ZNF157: variants seen among roughly 807,000 people sequenced by gnomAD.
ZNF157 encodes zinc finger protein 22.
Under a neutral mutation model 9.4 loss-of-function variants are expected in ZNF157, and 8 were observed. The observed-to-expected ratio is 0.85, with a 90% CI of 0.50 to 1.53. The LOEUF is 1.53. Ranked by LOEUF, ZNF157 falls within the 40% of genes most tolerant of loss-of-function variation. ZNF157 has a pLI of 0.00. For missense variants in ZNF157, 316 were observed against 385.2 expected, an observed-to-expected ratio of 0.82 and a Z score of 1.50; for synonymous variants, 120 against 130.8, an observed-to-expected ratio of 0.92 and a Z score of 0.56.
chrX:47,406,960 T>G (rs1447340415), intron 1 of ZNF157, among the ~76,000 whole-genome samples: 1 of 112,277 alleles, frequency 8.9e-6, no homozygotes, highest in Non-Finnish European at 1.9e-5. Flanking sequence ...TCTTTTTCAT[T>G]ACATATGATG....
intron 1 of ZNF157, among the ~76,000 whole-genome samples, chrX:47,381,057 AGAGCAGGAGGAGGAG>A (rs1361604068): frequency 4.6e-4 from 15 of 32,931 alleles, no homozygotes; most frequent in Non-Finnish European, 8.0e-4. Context: ...AGAAGGAGGA[AGAGCAGGAGGAGGAG>A]GAGCAGGAGG....
At chrX:47,404,092 C>T (rs1023911224) in intron 1 of ZNF157, among the ~76,000 whole-genome samples, 1 of 110,585 alleles carries the variant, frequency 9.0e-6, no homozygotes, top group African/African-American at 3.3e-5. Context: ...ATTGCTTGAA[C>T]CTGGGAGGTG....
chrX:47,413,054 G>A lies in ZNF157; in HGVS notation c.981G>A (p.Glu327=). The A allele has an allele frequency of 8.3e-7, 1 of 1,210,807 alleles. No homozygotes were observed. The highest frequency in any genetic ancestry group is 1.1e-6 in the Non-Finnish European group (1 of 894,933). The change falls in exon 4 of 4, where the codon GAG becomes GAA. Residue 327 remains glutamate (E), a synonymous_variant. Coordinates refer to ENST00000377073, the MANE Select transcript of ZNF157 (RefSeq NM_003446.4). ...LNQHQRIHTG[E]KPYECGECGK... ...AGCATCAAAGAATTCACACAGGTGA[G>A]AAACCCTATGAGTGTGGTGAATGTG...
In ZNF157 at chrX:47,413,544, A is replaced by G; in HGVS notation, c.1471A>G (p.Thr491Ala). 8.3e-7 allele frequency: 1 copy of G among 1,209,932 alleles called. No homozygotes were observed. The highest frequency in any genetic ancestry group is 1.8e-5 in the South Asian group (1 of 56,746). The change falls in exon 4 of 4, where the codon ACT becomes GCT. Residue 491 changes from threonine to alanine, a missense_variant. By Grantham distance (58) the Thr-to-Ala change is moderately conservative. Around this residue, in one of 3 missense-constraint regions of ZNF157, gnomAD observed 167 missense variants for 183.6 expected, o/e 0.91. Coordinates refer to ENST00000377073, the MANE Select transcript of ZNF157 (RefSeq NM_003446.4). Reference sequence around the variant, plus strand: ...AGCACACCTCACAGAACATCAGAGAACTCACATAGGCTGGTCCTGGCGTTG... The same window carrying G: ...AGCACACCTCACAGAACATCAGAGAGCTCACATAGGCTGGTCCTGGCGTTG... The part of the protein sequence containing the change: ...RKAHLTEHQR[T>A]HIGWSWRCTM...
chrX:47,386,621 G>A (rs1299993254), intron 1 of ZNF157, among the ~76,000 whole-genome samples: 1 of 108,689 alleles, frequency 9.2e-6, no homozygotes, highest in Non-Finnish European at 1.9e-5. Flanking sequence ...CATCACACCC[G>A]GCTAATTTTT....
intron 1 of ZNF157, among the ~76,000 whole-genome samples, chrX:47,399,322 G>T (rs1237734428): frequency 1.8e-5 from 2 of 111,234 alleles, no homozygotes. Flanking sequence ...TGGGGTGAAG[G>T]CACAATCTAT....
At chrX:47,400,176 T>A (rs1414391876) in intron 1 of ZNF157, among the ~76,000 whole-genome samples, 1 of 110,109 alleles carries the variant, frequency 9.1e-6, no homozygotes, top group Non-Finnish European at 1.9e-5. Context: ...TTTATATTTT[T>A]AGTAGAGACG....
rs2055968663 is a variant in ZNF157, at chrX:47,412,586, C to T, written c.513C>T (p.Tyr171=). 1.7e-6 allele frequency: 2 copies of T among 1,210,637 alleles called. No homozygotes were observed. The highest frequency in any genetic ancestry group is 4.4e-5 in the Admixed American group (2 of 45,773). ...AATGTCATGAATGTGGGAAAGCTTA[C>T]TGTAGGAAGTCAAACCTTGTTGAAC... ...NFECHECGKA[Y]CRKSNLVEHL... Residue 171 remains tyrosine, a synonymous_variant, in exon 4 of 4, where the codon TAC becomes TAT. Coordinates refer to ENST00000377073, the MANE Select transcript of ZNF157 (RefSeq NM_003446.4).
chrX:47,413,132 A>G lies in ZNF157; in HGVS notation c.1059A>G (p.Thr353=), dbSNP rs7053739. The change falls in exon 4 of 4, where the codon ACA becomes ACG. Residue 353 remains threonine, a synonymous_variant. Coordinates refer to ENST00000377073, the MANE Select transcript of ZNF157 (RefSeq NM_003446.4). ...TCAATAATCATCAAAGAACTCACAC[A>G]GGTGAAAAGCCCTATCAGTGTAATG... The part of the protein sequence containing the change: ...MTLNNHQRTH[T]GEKPYQCNEC... 16,174 of 1,209,993 alleles carry G rather than the reference A, an allele frequency of 0.013. 1,346 individuals are homozygous for G. In the African/African-American group the frequency reaches 0.25, roughly 18 times the overall value.
intron 1 of ZNF157, among the ~76,000 whole-genome samples, chrX:47,380,773 T>C (rs1026266616): frequency 1.1e-4 from 5 of 45,820 alleles, no homozygotes; most frequent in Non-Finnish European, 1.9e-4. Context: ...ATTATTTTTC[T>C]TTTTTTTTTA....
At chrX:47,373,407 C>T (rs756457641) in intron 1 of ZNF157, among the ~76,000 whole-genome samples, 12 of 110,820 alleles carry the variant, frequency 1.1e-4, no homozygotes, top group Non-Finnish European at 2.3e-4. Flanking sequence ...GAACTGACTT[C>T]GAGGAAATGA....
At chrX:47,388,668 G>A (rs2055887450) in intron 1 of ZNF157, 1 of 153,510 alleles carries the variant, frequency 6.5e-6, no homozygotes, top group Admixed American at 5.8e-5. Context: ...TCAGAGCAGG[G>A]GGCCTGAAGA....
intron 1 of ZNF157, among the ~76,000 whole-genome samples, 159 bp from the exon 2 acceptor site, chrX:47,410,117 A>G (rs6608717): frequency 0.33 from 36,365 of 110,317 alleles, 4,471 homozygotes; most frequent in South Asian, 0.41. Context: ...GAGCTGTTCC[A>G]GGTACCCCCC....
chrX:47,401,115 T>G, intron 1 of ZNF157, among the ~76,000 whole-genome samples: 1 of 112,330 alleles, frequency 8.9e-6, no homozygotes, highest in Non-Finnish European at 1.9e-5. Context: ...CATTATATTA[T>G]GGAACTCTTC....
rs2055974507 is a variant in ZNF157 at position 47,413,684 on chromosome X, G to C, written c.*90G>C. ...CTGTGAAAATTTGGCACCTACATTT[G>C]TATCAAAGTATGTCCTGATCCCCTT... On this transcript the variant is annotated 3_prime_UTR_variant, in exon 4 of 4. Transcript: ENST00000377073. The C allele has an allele frequency of 5.4e-6, 6 of 1,121,281 alleles. No homozygotes were observed. Among genetic ancestry groups the C allele is most frequent in the Non-Finnish European group, 4.7e-6 (4 of 849,601 alleles). 92.4% of individuals were successfully genotyped at this position (1,121,281 alleles called of 1,213,427 possible).
At chrX:47,391,535 T>C (rs906225902) in intron 1 of ZNF157, among the ~76,000 whole-genome samples, 4 of 112,058 alleles carry the variant, frequency 3.6e-5, no homozygotes, top group African/African-American at 1.3e-4. Context: ...TTTCAGATTT[T>C]GGATTTTTTT....
At chrX:47,400,143 C>T (rs749685613) in intron 1 of ZNF157, among the ~76,000 whole-genome samples, 2 of 109,374 alleles carry the variant, frequency 1.8e-5, no homozygotes, top group Non-Finnish European at 3.8e-5. Flanking sequence ...ACTACAGGCA[C>T]GCACCACCAC....
intron 1 of ZNF157, among the ~76,000 whole-genome samples, chrX:47,376,989 C>G (rs1300097224): frequency 9.0e-6 from 1 of 111,321 alleles, no homozygotes; most frequent in Admixed American, 9.6e-5. Context: ...GTCATGCAGC[C>G]GGAGACTACA....
rs2055976915 is a variant in ZNF157 at position 47,414,447 on chromosome X, C to G, written c.*853C>G. The G allele has an allele frequency of 8.9e-6, 1 of 111,792 alleles. No homozygotes were observed. The highest frequency in any genetic ancestry group is 1.9e-5 in the Non-Finnish European group (1 of 53,225). 9.2% of individuals were successfully genotyped at this position (111,792 alleles called of 1,213,427 possible). On this transcript the variant is annotated 3_prime_UTR_variant, in exon 4 of 4. Transcript: ENST00000377073. ...TTGTTATAGCATGAAGTGTGCAATA[C>G]ATACTACTATATTGTCTTTATATAA...
Sources: gnomAD v4.1 joint callset for allele counts (sites outside exome capture counted in the v4.1 genomes callset) on GRCh38, gnomAD v4.1.1 for gene constraint, gnomAD v4.1.1 regional missense constraint, MANE v1.5 for transcripts, NCBI Gene and HGNC (gene_info 2026-07-23, HGNC 2026-07-21) for gene names.